Variants in PIGK observed in about 807,000 individuals in gnomAD.
The protein encoded by PIGK is phosphatidylinositol glycan anchor biosynthesis class K, also known as GPI-anchor transamidase.
In PIGK, 42 loss-of-function variants were observed where a neutral mutation model predicts 50.6. The ratio of observed to expected loss-of-function variants is 0.83; its 90% CI spans 0.65 to 1.07. The LOEUF (loss-of-function observed/expected upper bound fraction) is 1.07, where lower values mean the gene tolerates loss of function less well. Ranked by LOEUF, PIGK falls within the 50% of genes least tolerant of loss-of-function variation. The probability of loss-of-function intolerance (pLI) is 0.00; values close to 1 mark genes in which losing one functional copy is unlikely to be tolerated. For synonymous variants in PIGK, 151 were observed against 156.0 expected, an observed-to-expected ratio of 0.97 and a Z score of 0.24; for missense variants, 448 against 488.7, an observed-to-expected ratio of 0.92 and a Z score of 0.78.
chr1:77,146,036 C>A (rs571449604), intron 9 of PIGK, among the ~76,000 whole-genome samples: 1 of 151,996 alleles, frequency 6.6e-6, no homozygotes, highest in African/African-American at 2.4e-5. Context: ...CCATGATAAA[C>A]CCACTATGAA....
intron 10 of PIGK, among the ~76,000 whole-genome samples, chr1:77,106,674 T>C (rs1206191848): frequency 1.3e-5 from 2 of 152,126 alleles, no homozygotes; most frequent in Non-Finnish European, 2.9e-5. Flanking sequence ...TCTGCTTCTA[T>C]ATACTAGTTG....
chr1:77,164,122 G>C (rs1329839800), intron 5 of PIGK, among the ~76,000 whole-genome samples, 180 bp from the exon 6 acceptor site: 4 of 152,108 alleles, frequency 2.6e-5, no homozygotes, highest in African/African-American at 9.7e-5. Flanking sequence ...GAGAATGATA[G>C]ACTATATAAA....
In PIGK at chr1:77,219,425, G is replaced by T. The variant is rs1183035189; in HGVS notation, c.-23C>A. On this transcript the variant is annotated 5_prime_UTR_variant, in exon 1 of 11. Transcript: ENST00000370812. Reference sequence around the variant, plus strand: ...CATGTTTACCGGCTTCAGACTTCCCGCACCTGAAGGGGCGGAGGCAGTGCC... The same window carrying T: ...CATGTTTACCGGCTTCAGACTTCCCTCACCTGAAGGGGCGGAGGCAGTGCC... The T allele has an allele frequency of 1.2e-6, 2 of 1,600,550 alleles. No individual in the cohort carries two copies. Among genetic ancestry groups the T allele is most frequent in the Admixed American group, 3.4e-5 (2 of 59,670 alleles).
At chr1:77,103,771 G>A (rs772525823) in intron 10 of PIGK, among the ~76,000 whole-genome samples, 12 of 152,132 alleles carry the variant, frequency 7.9e-5, no homozygotes, top group Non-Finnish European at 1.6e-4. Context: ...AGAAATACAC[G>A]AAGGAGCTCC....
chr1:77,161,683 T>C lies in PIGK; in HGVS notation c.613A>G (p.Thr205Ala). 1 of 1,554,954 alleles carries C rather than the reference T, an allele frequency of 6.4e-7. No individual in the cohort carries two copies. Among genetic ancestry groups the C allele is most frequent in the South Asian group, 1.1e-5 (1 of 89,796 alleles). ...RYNELLFIID[T>A]CQGASMYERF... ...TCATACATGGATGCTCCTTGGCAAGTATCAATAATAAACAGTAGCTCATTG... is the reference window on the plus strand; with the variant it reads ...TCATACATGGATGCTCCTTGGCAAGCATCAATAATAAACAGTAGCTCATTG... Residue 205 changes from threonine (T) to alanine (A), a missense_variant, in exon 7 of 11, where the codon ACT becomes GCT. By Grantham distance (58) the Thr-to-Ala change is moderately conservative. Coordinates refer to ENST00000370812, the MANE Select transcript of PIGK (RefSeq NM_005482.3).
At chr1:77,199,979 C>T (rs558045028) in intron 3 of PIGK, among the ~76,000 whole-genome samples, 1 of 152,038 alleles carries the variant, frequency 6.6e-6, no homozygotes, top group Admixed American at 6.6e-5. Flanking sequence ...ATGAAAGTAA[C>T]CATGTAGTAG....
intron 1 of PIGK, among the ~76,000 whole-genome samples, chr1:77,216,005 T>A (rs1656553684): frequency 6.6e-6 from 1 of 152,102 alleles, no homozygotes. Flanking sequence ...CAGGAATAAG[T>A]TCTAGCCTTC....
chr1:77,138,948 C>A (rs1446952254), intron 9 of PIGK, among the ~76,000 whole-genome samples: 1 of 151,980 alleles, frequency 6.6e-6, no homozygotes, highest in Non-Finnish European at 1.5e-5. Context: ...CCTCTTTTAC[C>A]CCCATATCTC....
At chr1:77,117,077 C>G (rs780237734) in intron 10 of PIGK, among the ~76,000 whole-genome samples, 1 of 152,186 alleles carries the variant, frequency 6.6e-6, no homozygotes, top group Non-Finnish European at 1.5e-5. Context: ...ATCTTGGAGT[C>G]CTTCATTGTC....
intron 8 of PIGK, among the ~76,000 whole-genome samples, chr1:77,159,946 C>T (rs531029459): frequency 9.9e-5 from 15 of 152,108 alleles, no homozygotes; most frequent in Middle Eastern, 3.4e-3. Flanking sequence ...TTTTGAAATA[C>T]GAGAATAGGA....
intron 1 of PIGK, among the ~76,000 whole-genome samples, chr1:77,217,026 G>A (rs1656584613): frequency 6.6e-6 from 1 of 152,156 alleles, no homozygotes; most frequent in South Asian, 2.1e-4. Context: ...TAAAAAGCAT[G>A]CTGCTTTCTC....
intron 10 of PIGK, among the ~76,000 whole-genome samples, chr1:77,114,674 T>C (rs1653924027): frequency 6.6e-6 from 1 of 152,180 alleles, no homozygotes; most frequent in South Asian, 2.1e-4. Context: ...CATTTATTCC[T>C]TGATAAGTGA....
rs569576212 is a variant in PIGK, at chr1:77,109,890, C to G, written c.1071+12385G>C. Reference sequence around the variant, plus strand: ...TTGTCTCAGCCCAAAATCTCCTTAGCTGATAAGCAACTTCAGCAAAGTCTC... The same window carrying G: ...TTGTCTCAGCCCAAAATCTCCTTAGGTGATAAGCAACTTCAGCAAAGTCTC... On this transcript the variant is annotated intron_variant, in intron 10 of 10. Transcript: ENST00000370812. Among the ~76,000 whole-genome samples, 3 of 152,298 alleles carry G rather than the reference C, an allele frequency of 2.0e-5. No homozygotes were observed. The East Asian group carries it at 5.8e-4, about 29-fold the overall frequency.
rs373820468 is a variant in PIGK, at chr1:77,169,363, G to C, written c.272C>G (p.Ala91Gly). ...TGGTTTGGGATTTCTAGGATTACAGGCCATATCATCTGCAAGCATTAGGAC... is the reference window on the plus strand; with the variant it reads ...TGGTTTGGGATTTCTAGGATTACAGCCCATATCATCTGCAAGCATTAGGAC... ...HIVLMLADDMACNPRNPKPAT... is the reference protein window; with the variant it reads ...HIVLMLADDMGCNPRNPKPAT... Residue 91 changes from alanine to glycine, a missense_variant, in exon 4 of 11, where the codon GCC becomes GGC. Coordinates refer to ENST00000370812, the MANE Select transcript of PIGK (RefSeq NM_005482.3). The C allele has an allele frequency of 1.2e-6, 2 of 1,605,298 alleles. No individual in the cohort carries two copies. The highest frequency in any genetic ancestry group is 1.7e-4 in the Middle Eastern group (1 of 6,038).
chr1:77,099,033 A>C (rs1653484425), intron 10 of PIGK, among the ~76,000 whole-genome samples: 1 of 152,098 alleles, frequency 6.6e-6, no homozygotes, highest in Non-Finnish European at 1.5e-5. Flanking sequence ...CACTTCTAGG[A>C]TCTATATTAA....
intron 9 of PIGK, among the ~76,000 whole-genome samples, chr1:77,131,358 AAAGG>A (rs1654367570): frequency 6.6e-6 from 1 of 152,032 alleles, no homozygotes; most frequent in East Asian, 1.9e-4. Context: ...TCTGTGAAAA[AAAGG>A]AAGGGAGAGT....
chr1:77,116,223 G>A (rs577948088), intron 10 of PIGK, among the ~76,000 whole-genome samples: 10 of 151,452 alleles, frequency 6.6e-5, no homozygotes, highest in Admixed American at 5.9e-4. Context: ...TCGCTCTGTC[G>A]CCCAGGCTGG....
At chr1:77,156,512 T>A (rs1383246952) in intron 8 of PIGK, among the ~76,000 whole-genome samples, 1 of 152,178 alleles carries the variant, frequency 6.6e-6, no homozygotes, top group Non-Finnish European at 1.5e-5. Context: ...AAGATAAGAA[T>A]CATCTATTAT....
At chr1:77,212,559 C>T (rs1318712472) in intron 1 of PIGK, among the ~76,000 whole-genome samples, 1 of 152,106 alleles carries the variant, frequency 6.6e-6, no homozygotes, top group East Asian at 1.9e-4. Context: ...TATATGCTGC[C>T]TACAAGAAAC....
Sources: allele counts gnomAD v4.1 joint callset (sites outside exome capture counted in the v4.1 genomes callset), GRCh38; gene constraint gnomAD v4.1.1; transcripts MANE v1.5; gene names NCBI Gene and HGNC (gene_info 2026-07-23, HGNC 2026-07-21).